The following WDR41 variants were observed in gnomAD, a reference collection of about 807,000 sequenced individuals.
WDR41 encodes WD repeat domain 41, also known as WD repeat-containing protein 41.
WDR41 carries 63 observed loss-of-function variants against 69.3 expected under a neutral mutation model. That is an observed-to-expected ratio of 0.91 (90% CI 0.74 to 1.12). The LOEUF (loss-of-function observed/expected upper bound fraction) is 1.12. WDR41 is among the 50% of genes most tolerant of loss of function. The pLI is 0.00. For missense variants in WDR41, 543 were observed against 534.5 expected (o/e 1.02, Z -0.16); for synonymous variants, 185 against 192.1 (o/e 0.96, Z 0.31).
At chr5:77,499,307 G>A (rs1801982909) in intron 1 of WDR41, 1 of 152,280 alleles carries the variant, frequency 6.6e-6, no homozygotes, top group Non-Finnish European at 1.5e-5. Context: ...GCACTGTGGT[G>A]CAGAAAGAGA....
In WDR41 at chr5:77,613,148, T is replaced by C. The variant is rs1386199586; in HGVS notation, c.42+7331A>G. On this transcript the variant is annotated intron_variant, in intron 1 of 5. Coordinates refer to the WDR41 transcript ENST00000509971. ...CACTGCTCAATGAAATAAAAGAGGA[T>C]ACAAAGAAATGGAAGAAAATTCCAT... is the stretch of plus-strand genomic sequence containing the variant. Among the ~76,000 whole-genome samples the C allele has an allele frequency of 5.3e-4, 80 of 151,870 alleles. No homozygotes were observed. In the East Asian group the frequency reaches 9.7e-3, roughly 18 times the overall value.
At chr5:77,491,149 C>G (rs895369908) in intron 1 of WDR41, 1 of 406,898 alleles carries the variant, frequency 2.5e-6, no homozygotes, top group South Asian at 1.7e-5. Flanking sequence ...CATTCCACCA[C>G]AAAAGTGAAA....
chr5:77,533,179 C>A (rs1447870383), intron 1 of WDR41, among the ~76,000 whole-genome samples: 1 of 152,182 alleles, frequency 6.6e-6, no homozygotes, highest in African/African-American at 2.4e-5. Flanking sequence ...CTGGCGGCCC[C>A]ACTTCTAAAT....
At chr5:77,471,843 A>T (rs1217989764) in intron 2 of WDR41, among the ~76,000 whole-genome samples, 2 of 152,218 alleles carry the variant, frequency 1.3e-5, no homozygotes, top group African/African-American at 4.8e-5. Context: ...GAATTCTACC[A>T]GAGGTACAAG....
At chr5:77,481,408 C>G (rs1182317709) in intron 2 of WDR41, among the ~76,000 whole-genome samples, 2 of 152,140 alleles carry the variant, frequency 1.3e-5, no homozygotes, top group Non-Finnish European at 2.9e-5. Flanking sequence ...AGGCTGGCAA[C>G]TCTTCAGTTG....
intron 1 of WDR41, among the ~76,000 whole-genome samples, chr5:77,600,970 C>T (rs1321942502): frequency 2.6e-5 from 3 of 115,326 alleles, no homozygotes; most frequent in African/African-American, 6.2e-5. Context: ...TGTGTAAGGC[C>T]ATAAACAGTG....
intron 1 of WDR41, among the ~76,000 whole-genome samples, chr5:77,518,792 ACTAC>A (rs1802330328): frequency 6.6e-6 from 1 of 152,148 alleles, no homozygotes; most frequent in Non-Finnish European, 1.5e-5. Context: ...TTTCAAGGAT[ACTAC>A]TTTCAGAATC....
intron 1 of WDR41, among the ~76,000 whole-genome samples, chr5:77,520,188 G>T (rs1225655446): frequency 6.6e-6 from 1 of 152,056 alleles, no homozygotes; most frequent in African/African-American, 2.4e-5. Flanking sequence ...AAATTAATTT[G>T]CTAAATTAGA....
At chr5:77,507,128 A>C (rs765026169) in intron 1 of WDR41, among the ~76,000 whole-genome samples, 4 of 152,254 alleles carry the variant, frequency 2.6e-5, no homozygotes, top group Non-Finnish European at 5.9e-5. Context: ...CATGTAAATT[A>C]GTAATGAGTA....
At chr5:77,573,853 T>C (rs1022901633) in intron 1 of WDR41, among the ~76,000 whole-genome samples, 1 of 152,204 alleles carries the variant, frequency 6.6e-6, no homozygotes, top group South Asian at 2.1e-4. Context: ...TGAGAGACAC[T>C]ATAACCTCTG....
intron 1 of WDR41, among the ~76,000 whole-genome samples, chr5:77,508,623 C>G (rs1388311178): frequency 6.6e-6 from 1 of 152,126 alleles, no homozygotes; most frequent in African/African-American, 2.4e-5. Flanking sequence ...TGGGTCACAC[C>G]TTCCTGTTTC....
intron 1 of WDR41, chr5:77,582,401 A>G (rs1053764626): frequency 2.9e-5 from 46 of 1,610,756 alleles, no homozygotes; most frequent in Non-Finnish European, 3.4e-5. Context: ...GAGAAGAAGA[A>G]GGAGGTTCCT....
intron 1 of WDR41, among the ~76,000 whole-genome samples, chr5:77,580,116 C>T (rs1383247452): frequency 2.0e-5 from 3 of 152,074 alleles, no homozygotes; most frequent in Admixed American, 6.5e-5. Context: ...TGAAATTAAA[C>T]GAGTATAAAT....
intron 3 of WDR41, among the ~76,000 whole-genome samples, chr5:77,463,711 C>G (rs1211641575): frequency 6.6e-6 from 1 of 152,158 alleles, no homozygotes; most frequent in Non-Finnish European, 1.5e-5. Context: ...AGTCTCCACT[C>G]CATCGTTATT....
At position 77,522,476 on chromosome 5, in the gene WDR41, C is replaced by A. The variant is rs1390126261; in HGVS notation, c.43-32904G>T. On this transcript the variant is annotated intron_variant, in intron 1 of 5. Coordinates refer to the WDR41 transcript ENST00000509971. ...CCAACACGATGAAATCTCATCTGTA[C>A]TAAAAATACAAAAATTAGCCAGTCG... Among the ~76,000 whole-genome samples, 4 of 152,116 alleles carry A rather than the reference C, an allele frequency of 2.6e-5. No individual in the cohort carries two copies. In the East Asian group the frequency reaches 5.8e-4, roughly 22 times the overall value.
chr5:77,575,474 G>A (rs934512491), intron 1 of WDR41, among the ~76,000 whole-genome samples: 1 of 152,220 alleles, frequency 6.6e-6, no homozygotes, highest in Non-Finnish European at 1.5e-5. Flanking sequence ...TTAGTGGTGA[G>A]AGGGAAGTCC....
At position 77,492,298 on chromosome 5, in the gene WDR41, C is replaced by T; in HGVS notation, c.-78G>A. The T allele has an allele frequency of 6.3e-7, 1 of 1,583,470 alleles. No homozygotes were observed. Among genetic ancestry groups the T allele is most frequent in the Non-Finnish European group, 8.6e-7 (1 of 1,163,534 alleles). ...CCCCAGGCTCGGCCTCCTCCTTCCT[C>T]CCCGGCTGCAGCGCAACTGAGACGC... On this transcript the variant is annotated 5_prime_UTR_variant, in exon 1 of 13. Coordinates refer to ENST00000296679, the MANE Select transcript of WDR41 (RefSeq NM_018268.4).
intron 5 of WDR41, among the ~76,000 whole-genome samples, chr5:77,457,990 C>G (rs1189295663): frequency 6.6e-6 from 1 of 151,964 alleles, no homozygotes; most frequent in Admixed American, 6.6e-5. Context: ...AAGGAATTTC[C>G]CCCAAATACA....
chr5:77,593,878 C>A (rs1744173402), intron 1 of WDR41, among the ~76,000 whole-genome samples: 1 of 152,106 alleles, frequency 6.6e-6, no homozygotes, highest in South Asian at 2.1e-4. Flanking sequence ...ACAATTAGAG[C>A]TAACAGAAAG....
Sources: gnomAD v4.1 joint callset for allele counts (sites outside exome capture counted in the v4.1 genomes callset) on GRCh38, gnomAD v4.1.1 for gene constraint, MANE v1.5 for transcripts, NCBI Gene and HGNC (gene_info 2026-07-23, HGNC 2026-07-21) for gene names.